The following ZFP30 variants were observed in gnomAD, a reference collection of about 807,000 sequenced individuals.
ZFP30 encodes the protein ZFP30 zinc finger protein.
Under a neutral mutation model 12.3 loss-of-function variants are expected in ZFP30, and 16 were observed. The observed-to-expected ratio is 1.30, with a 90% CI of 0.88 to 1.98. The LOEUF (loss-of-function observed/expected upper bound fraction) is 1.98, where lower values mean the gene tolerates loss of function less well. Among genes scored for constraint, ZFP30 ranks in the 30% most tolerant of loss-of-function variants. The pLI is 0.00. For missense variants in ZFP30, 560 were observed against 611.2 expected, an observed-to-expected ratio of 0.92 and a Z score of 0.88; for synonymous variants, 172 against 201.0, an observed-to-expected ratio of 0.86 and a Z score of 1.22.
chr19:37,632,423 C>T lies in ZFP30; in HGVS notation c.*2558G>A, dbSNP rs1035902931. 3 of 151,992 alleles carry T rather than the reference C, an allele frequency of 2.0e-5. No individual in the cohort carries two copies. The highest frequency in any genetic ancestry group is 2.0e-4 in the Admixed American group (3 of 15,250). The allele number at this position is 151,992 out of a possible 1,614,324, so 9.4% of individuals were successfully genotyped here. A position where few individuals can be genotyped will look rare whatever the true frequency, so the allele number is the denominator to read the frequency against. ...TGTAGCTGTGTAATCTTTCATATTT[C>T]TGTGATCAAAACTGCAAAGGTCTTG... On this transcript the variant is annotated 3_prime_UTR_variant, in exon 6 of 6. Coordinates refer to ENST00000684514, the MANE Select transcript of ZFP30 (RefSeq NM_001320669.3).
chr19:37,650,048 A>C (rs901293860), intron 2 of ZFP30, among the ~76,000 whole-genome samples: 10 of 152,064 alleles, frequency 6.6e-5, no homozygotes, highest in Non-Finnish European at 1.0e-4. Flanking sequence ...AATTGGAATA[A>C]AATTTTATTG....
At chr19:37,654,525 C>T (rs937545792) in intron 2 of ZFP30, among the ~76,000 whole-genome samples, 187 bp downstream of exon 2, 1 of 152,164 alleles carries the variant, frequency 6.6e-6, no homozygotes, top group African/African-American at 2.4e-5. Context: ...AACCATGTGT[C>T]TAACTATAGA....
intron 2 of ZFP30, among the ~76,000 whole-genome samples, chr19:37,650,040 T>G (rs1396759182): frequency 6.6e-6 from 1 of 152,010 alleles, no homozygotes; most frequent in Non-Finnish European, 1.5e-5. Flanking sequence ...GATCTGTGAA[T>G]TGGAATAAAA....
At position 37,635,433 on chromosome 19, in the gene ZFP30, T is replaced by C. The variant is rs771016314; in HGVS notation, c.1108A>G (p.Thr370Ala). The C allele has an allele frequency of 4.3e-6, 7 of 1,613,908 alleles. No individual in the cohort carries two copies. Among genetic ancestry groups the C allele is most frequent in the African/African-American group, 2.7e-5 (2 of 74,866 alleles). The change falls in exon 6 of 6, where the codon ACT (threonine) becomes GCT (alanine). Residue 370 changes from threonine (T) to alanine (A), a missense_variant. Thr to Ala is a moderately conservative substitution (Grantham distance 58). Coordinates refer to ENST00000684514, the MANE Select transcript of ZFP30 (RefSeq NM_001320669.3). ...GKTFSRGYHL[T>A]LHQRIHTGEK... Reference sequence around the variant, plus strand: ...CCAGTATGTATTCTCTGATGGAGAGTTAGATGATAGCCACGACTGAAAGTC... The same window carrying C: ...CCAGTATGTATTCTCTGATGGAGAGCTAGATGATAGCCACGACTGAAAGTC...
rs138590175 is a variant in ZFP30 at position 37,636,963 on chromosome 19, G to A, written c.236-658C>T. 8.7e-3 allele frequency among the ~76,000 whole-genome samples: 1,317 copies of A among 151,872 alleles called. 12 individuals are homozygous for A. Among genetic ancestry groups the A allele is most frequent in the African/African-American group, 0.03 (1,231 of 41,454 alleles). On this transcript the variant is annotated intron_variant, in intron 5 of 5. Coordinates refer to ENST00000684514, the MANE Select transcript of ZFP30 (RefSeq NM_001320669.3). ...TGACCTCAAGTGATCCGCCTGCCTC[G>A]GCCTCCCAAAGTGCTGGGATTACAG...
intron 5 of ZFP30, 83 bp from the exon 6 acceptor site, chr19:37,636,388 CAAAAAAAAAA>C: frequency 1.1e-6 from 1 of 917,018 alleles, no homozygotes; most frequent in East Asian, 3.5e-5. Flanking sequence ...AATCGGTGAC[CAAAAAAAAAA>C]AAAAAGAAAA....
intron 2 of ZFP30, among the ~76,000 whole-genome samples, chr19:37,648,908 T>C (rs1307940892): frequency 6.6e-6 from 1 of 152,006 alleles, no homozygotes; most frequent in Non-Finnish European, 1.5e-5. Flanking sequence ...CTTAGAGAAG[T>C]AAATTTATGA....
In ZFP30 at chr19:37,648,490, T is replaced by C. The variant is rs1416513546; in HGVS notation, c.-77-591A>G. Among the ~76,000 whole-genome samples, 5 of 152,038 alleles carry C rather than the reference T, an allele frequency of 3.3e-5. No homozygotes were observed. In the East Asian group the frequency reaches 9.6e-4, roughly 29 times the overall value. On this transcript the variant is annotated intron_variant, in intron 2 of 5. Coordinates refer to ENST00000684514, the MANE Select transcript of ZFP30 (RefSeq NM_001320669.3). ...TGGGATTTAGGATTTTTTTTTTAAC[T>C]ACCTCCTCCTCCCATGGGTGCTTAT...
intron 5 of ZFP30, among the ~76,000 whole-genome samples, chr19:37,638,332 G>A (rs1365151914): frequency 6.6e-6 from 1 of 152,130 alleles, no homozygotes; most frequent in Non-Finnish European, 1.5e-5. Flanking sequence ...AATGCCATTT[G>A]TGTACTTCCT....
chr19:37,652,203 T>C (rs557776360), intron 2 of ZFP30, among the ~76,000 whole-genome samples: 1 of 152,320 alleles, frequency 6.6e-6, no homozygotes, highest in Non-Finnish European at 1.5e-5. Context: ...ACTGAATTCC[T>C]CTTTTAAACT....
At position 37,632,056 on chromosome 19, in the gene ZFP30, C is replaced by T. The variant is rs1302011558; in HGVS notation, c.*2925G>A. On this transcript the variant is annotated 3_prime_UTR_variant, in exon 6 of 6. Coordinates refer to ENST00000684514, the MANE Select transcript of ZFP30 (RefSeq NM_001320669.3). Reference sequence around the variant, plus strand: ...TTTTACTTGTAAAAAATTAGGTTCTCGGAGTCTCTCTGAGACCACTCTGGC... The same window carrying T: ...TTTTACTTGTAAAAAATTAGGTTCTTGGAGTCTCTCTGAGACCACTCTGGC... The T allele has an allele frequency of 4.0e-5, 6 of 151,102 alleles. No homozygotes were observed. The highest frequency in any genetic ancestry group is 5.9e-5 in the Non-Finnish European group (4 of 67,836). The allele number at this position is 151,102 out of a possible 1,614,324, so 9.4% of individuals were successfully genotyped here.
At chr19:37,641,629 T>C (rs1222451140) in intron 5 of ZFP30, among the ~76,000 whole-genome samples, 1 of 152,194 alleles carries the variant, frequency 6.6e-6, no homozygotes, top group African/African-American at 2.4e-5. Context: ...AAAGTTTGCA[T>C]CTCAAAAAGC....
Position 37,635,816 on chromosome 19 carries a change from T to A in ZFP30, c.725A>T (p.Tyr242Phe). 6.2e-7 allele frequency: 1 copy of A among 1,614,234 alleles called. No homozygotes were observed. Among genetic ancestry groups the A allele is most frequent in the Non-Finnish European group, 8.5e-7 (1 of 1,180,052 alleles). Residue 242 changes from tyrosine to phenylalanine, a missense_variant, in exon 6 of 6, where the codon TAT becomes TTT. Tyr to Phe is a conservative substitution (Grantham distance 22). Transcript: ENST00000684514. Reference sequence around the variant, plus strand: ...GGCTTTCCCACATTCTTTACATTCATACGGCTTCTCACCAATATGAATTCT... The same window carrying A: ...GGCTTTCCCACATTCTTTACATTCAAACGGCTTCTCACCAATATGAATTCT... ...HQRIHIGEKPYECKECGKAFR... is the reference protein window; with the variant it reads ...HQRIHIGEKPFECKECGKAFR...
intron 5 of ZFP30, among the ~76,000 whole-genome samples, chr19:37,641,606 G>A (rs984443572): frequency 2.0e-5 from 3 of 152,056 alleles, no homozygotes; most frequent in Admixed American, 1.3e-4. Context: ...ATATTACATC[G>A]TTTCATGTGT....
At chr19:37,655,744 T>C (rs2044746457), upstream of ZFP30, 1 of 152,198 alleles carries the variant, frequency 6.6e-6, no homozygotes. Flanking sequence ...TCCGCCTTTT[T>C]ATTTTTCATT....
chr19:37,643,700 T>C (rs551936799), intron 4 of ZFP30, among the ~76,000 whole-genome samples: 3 of 152,358 alleles, frequency 2.0e-5, no homozygotes, highest in African/African-American at 7.2e-5. Flanking sequence ...GAGATTCGAT[T>C]TAATGTAAGT....
At chr19:37,649,246 TAAAA>T (rs5827988) in intron 2 of ZFP30, among the ~76,000 whole-genome samples, 3 of 129,954 alleles carry the variant, frequency 2.3e-5, no homozygotes, top group Non-Finnish European at 4.8e-5. Flanking sequence ...CCCTGTCTCT[TAAAA>T]AAAAAAAAAA....
chr19:37,635,045 C>G lies in ZFP30; in HGVS notation c.1496G>C (p.Cys499Ser). Residue 499 changes from cysteine to serine, a missense_variant, in exon 6 of 6, where the codon TGT becomes TCT. Cys to Ser is a moderately radical substitution (Grantham distance 112, BLOSUM62 -1). Coordinates refer to ENST00000684514, the MANE Select transcript of ZFP30 (RefSeq NM_001320669.3). ...SGEKPYKCKE[C>S]KKAFRQHSHL... is the part of the protein sequence containing the mutation. ...TGAATGTTGTCTAAATGCCTTTTTACATTCCTTACATTTGTATGGTTTCTC... is the reference window on the plus strand; with the variant it reads ...TGAATGTTGTCTAAATGCCTTTTTAGATTCCTTACATTTGTATGGTTTCTC... 1 of 1,597,834 alleles carries G rather than the reference C, an allele frequency of 6.3e-7. No homozygotes were observed. The highest frequency in any genetic ancestry group is 8.5e-7 in the Non-Finnish European group (1 of 1,174,216).
In ZFP30 at chr19:37,635,540, G is replaced by A. The variant is rs981109790; in HGVS notation, c.1001C>T (p.Ala334Val). The A allele has an allele frequency of 1.2e-6, 2 of 1,614,062 alleles. No homozygotes were observed. The highest frequency in any genetic ancestry group is 4.5e-5 in the East Asian group (2 of 44,872). Residue 334 changes from alanine to valine, a missense_variant, in exon 6 of 6, where the codon GCC (alanine) becomes GTC (valine). Physicochemically the swap from Ala to Val is moderately conservative, Grantham distance 64. Transcript: ENST00000684514. ...AGTAAGTTGCTGCCGCACTCTAAAG[G>A]CCTTTCCACACTCCTTACATTCATA... The part of the protein sequence containing the change: ...KPYECKECGK[A>V]FRVRQQLTLH...
Sources: allele counts gnomAD v4.1 joint callset (sites outside exome capture counted in the v4.1 genomes callset), GRCh38; gene constraint gnomAD v4.1.1; transcripts MANE v1.5; gene names NCBI Gene and HGNC (gene_info 2026-07-23, HGNC 2026-07-21).